Variants in CSMD1 observed in about 807,000 individuals in gnomAD.
CSMD1 encodes CUB and Sushi multiple domains 1.
Under a neutral mutation model 417.5 loss-of-function variants are expected in CSMD1, and 213 were observed. The ratio of observed to expected loss-of-function variants is 0.51; its 90% confidence interval spans 0.46 to 0.57. CSMD1 has a LOEUF of 0.57. CSMD1 is among the 20% of genes least tolerant of loss of function. The pLI, the probability that CSMD1 is intolerant of heterozygous loss-of-function variation, is 0.00. For missense variants in CSMD1, 6,923 were observed against 4,529.7 expected (o/e 1.53, Z -15.17); for synonymous variants, 2,862 against 1,736.8 (o/e 1.65, Z -16.11).
intron 2 of CSMD1, among the ~76,000 whole-genome samples, chr8:4,484,720 A>C (rs1320492496): frequency 6.6e-6 from 1 of 152,158 alleles, no homozygotes; most frequent in East Asian, 1.9e-4. Flanking sequence ...CTGTAATCTC[A>C]GCACTTTGGG....
chr8:4,613,046 T>C (rs935413949), intron 2 of CSMD1, among the ~76,000 whole-genome samples: 1 of 152,102 alleles, frequency 6.6e-6, no homozygotes, highest in African/African-American at 2.4e-5. Context: ...GAGGAACTTG[T>C]TTTGCATTTG....
At chr8:4,402,013 CA>C (rs1254389192) in intron 3 of CSMD1, among the ~76,000 whole-genome samples, 9 of 152,178 alleles carry the variant, frequency 5.9e-5, no homozygotes, top group African/African-American at 1.9e-4. Context: ...CTGCTGCTAC[CA>C]CTGTTATAAT....
Position 4,743,820 on chromosome 8 carries a change from T to C in CSMD1, c.86-106262A>G, listed in dbSNP as rs2117016892. The stretch of plus-strand genomic sequence containing the variant: ...CCCTCAGGTGCTATGAAAACCTCTT[T>C]ATCGCAAAAGCAAGCTTCTTGCGGT... On this transcript the variant is annotated intron_variant, in intron 1 of 69. Coordinates refer to ENST00000635120, the MANE Select transcript of CSMD1 (RefSeq NM_033225.6). Among the ~76,000 whole-genome samples the C allele has an allele frequency of 2.0e-5, 3 of 152,318 alleles. No homozygotes were observed. The South Asian group carries it at 6.2e-4, about 32-fold the overall frequency.
intron 2 of CSMD1, among the ~76,000 whole-genome samples, chr8:4,626,731 G>C (rs932612908): frequency 6.6e-6 from 1 of 152,002 alleles, no homozygotes; most frequent in Non-Finnish European, 1.5e-5. Context: ...TTCAGTTCAA[G>C]GATGCCCCAA....
chr8:2,946,689 C>A (rs1802263936), intron 68 of CSMD1, among the ~76,000 whole-genome samples: 1 of 152,180 alleles, frequency 6.6e-6, no homozygotes, highest in South Asian at 2.1e-4. Flanking sequence ...ATAAATAATG[C>A]TGCTCTAAGC....
intron 5 of CSMD1, among the ~76,000 whole-genome samples, chr8:3,935,888 T>A (rs1272064641): frequency 6.6e-6 from 1 of 152,168 alleles, no homozygotes; most frequent in Non-Finnish European, 1.5e-5. Flanking sequence ...AAAAGTATAC[T>A]TAAAGATGAG....
chr8:4,671,490 A>G (rs1805321128), intron 1 of CSMD1, among the ~76,000 whole-genome samples: 1 of 152,204 alleles, frequency 6.6e-6, no homozygotes, highest in African/African-American at 2.4e-5. Flanking sequence ...CTGTTCTGGA[A>G]TAATAGCAGT....
At chr8:3,410,816 G>A (rs1422672116) in intron 12 of CSMD1, among the ~76,000 whole-genome samples, 1 of 152,120 alleles carries the variant, frequency 6.6e-6, no homozygotes, top group South Asian at 2.1e-4. Context: ...ATAGCTCACT[G>A]CAACTTCCAA....
intron 3 of CSMD1, among the ~76,000 whole-genome samples, chr8:4,086,239 A>G (rs1015894347): frequency 1.3e-5 from 2 of 152,186 alleles, no homozygotes; most frequent in African/African-American, 4.8e-5. Context: ...CATCTTCATG[A>G]ACAAAGACAA....
intron 10 of CSMD1, among the ~76,000 whole-genome samples, chr8:3,528,168 A>G (rs1797831863): frequency 6.6e-6 from 1 of 152,166 alleles, no homozygotes; most frequent in African/African-American, 2.4e-5. Flanking sequence ...TGCATGGTTA[A>G]CTCCCCTGGT....
intron 48 of CSMD1, among the ~76,000 whole-genome samples, chr8:3,089,154 G>A (rs1188164918): frequency 2.0e-5 from 3 of 152,176 alleles, no homozygotes; most frequent in African/African-American, 7.2e-5. Flanking sequence ...TGCAGGAAGA[G>A]GAATTCAGAG....
rs201309823 is a variant in CSMD1, at chr8:3,330,410, C to T, written c.3631+12884G>A. ...TACATATACACCATGGAATACTACACAGCCATAAAAAGGAATGAGATCATG... is the reference window on the plus strand; with the variant it reads ...TACATATACACCATGGAATACTACATAGCCATAAAAAGGAATGAGATCATG... On this transcript the variant is annotated intron_variant, in intron 23 of 69. Coordinates refer to ENST00000635120, the MANE Select transcript of CSMD1 (RefSeq NM_033225.6). Among the ~76,000 whole-genome samples the T allele has an allele frequency of 2.6e-5, 4 of 152,350 alleles. No homozygotes were observed. The East Asian group carries it at 7.7e-4, about 29-fold the overall frequency.
At chr8:3,083,644 ATATAT>A (rs1814298267) in intron 49 of CSMD1, among the ~76,000 whole-genome samples, 4 of 19,794 alleles carry the variant, frequency 2.0e-4, no homozygotes, top group South Asian at 3.1e-3. Flanking sequence ...ATATATATAT[ATATAT>A]TTTTTTTTTT....
At chr8:4,799,048 G>C (rs1443938012) in intron 1 of CSMD1, among the ~76,000 whole-genome samples, 3 of 152,152 alleles carry the variant, frequency 2.0e-5, no homozygotes, top group Non-Finnish European at 4.4e-5. Context: ...GCGTGGGCTG[G>C]TGAGGACAGA....
At chr8:3,430,612 G>C (rs186036419) in intron 12 of CSMD1, among the ~76,000 whole-genome samples, 19 of 152,222 alleles carry the variant, frequency 1.2e-4, no homozygotes, top group Non-Finnish European at 2.4e-4. Flanking sequence ...TTTGAGACCA[G>C]CCTGTCCAAA....
At chr8:4,590,651 C>A (rs1197644409) in intron 2 of CSMD1, among the ~76,000 whole-genome samples, 1 of 152,002 alleles carries the variant, frequency 6.6e-6, no homozygotes, top group Non-Finnish European at 1.5e-5. Flanking sequence ...ACTTTTACAA[C>A]ATTATAAAGC....
At chr8:3,676,331 G>A (rs1326494310) in intron 7 of CSMD1, among the ~76,000 whole-genome samples, 1 of 152,160 alleles carries the variant, frequency 6.6e-6, no homozygotes, top group Non-Finnish European at 1.5e-5. Context: ...CTGAAGAGCA[G>A]GTGGAGGTGG....
chr8:4,435,765 A>G (rs1211307825), intron 2 of CSMD1, among the ~76,000 whole-genome samples: 3 of 152,144 alleles, frequency 2.0e-5, no homozygotes, highest in East Asian at 1.9e-4. Context: ...AAAAAGTACC[A>G]TACCTTTGAC....
chr8:4,480,484 G>C (rs994757661), intron 2 of CSMD1, among the ~76,000 whole-genome samples: 1 of 152,216 alleles, frequency 6.6e-6, no homozygotes, highest in African/African-American at 2.4e-5. Flanking sequence ...GCCTCAGCTA[G>C]TTGTATTAGA....
Sources: allele counts gnomAD v4.1 joint callset (sites outside exome capture counted in the v4.1 genomes callset), GRCh38; gene constraint gnomAD v4.1.1; transcripts MANE v1.5; gene names NCBI Gene and HGNC (gene_info 2026-07-23, HGNC 2026-07-21).